The following DBF4B variants were observed in gnomAD, a reference collection of about 807,000 sequenced individuals.
DBF4B encodes the protein DBF4B-CDC7 kinase regulatory subunit, also known as protein DBF4 homolog B.
In DBF4B, 49 loss-of-function variants were observed where a neutral mutation model predicts 53.4. The ratio of observed to expected loss-of-function variants is 0.92; its 90% confidence interval spans 0.73 to 1.16. The LOEUF (loss-of-function observed/expected upper bound fraction) is 1.16, where lower values mean the gene tolerates loss of function less well. DBF4B is among the 50% of genes most tolerant of loss of function. The probability of loss-of-function intolerance (pLI) is 0.00; values close to 1 mark genes in which losing one functional copy is unlikely to be tolerated. For synonymous variants in DBF4B, 257 were observed against 288.7 expected, an observed-to-expected ratio of 0.89 and a Z score of 1.11; for missense variants, 692 against 775.0, an observed-to-expected ratio of 0.89 and a Z score of 1.27.
rs2049279310 is a variant in DBF4B at position 44,751,634 on chromosome 17, A to T, written c.*381A>T. On this transcript the variant is annotated 3_prime_UTR_variant, in exon 14 of 14. Coordinates refer to ENST00000315005, the MANE Select transcript of DBF4B (RefSeq NM_145663.3). ...ACACTTGAGTTGATTCAGTAAATCG[A>T]CTTCAAATACTTGAAGGCTCCCACC... The T allele has an allele frequency of 4.4e-6, 6 of 1,371,722 alleles. No homozygotes were observed. The allele number at this position is 1,371,722 out of a possible 1,614,324, so 85.0% of individuals were successfully genotyped here.
intron 1 of DBF4B, 145 bp downstream of exon 1, chr17:44,708,984 C>CA: frequency 8.5e-7 from 1 of 1,181,728 alleles, no homozygotes; most frequent in Non-Finnish European, 1.2e-6. Flanking sequence ...GAAGGAGCCA[C>CA]AGGAGTTGAG....
rs61077434 is a variant in DBF4B, at chr17:44,736,148, ATT to A, written c.631-665_631-664del. 4.6e-3 allele frequency among the ~76,000 whole-genome samples: 647 copies of A among 139,722 alleles called. 5 individuals carry two copies. Among genetic ancestry groups the A allele is most frequent in the African/African-American group, 0.015 (579 of 38,134 alleles). 91.7% of individuals were successfully genotyped at this position (139,722 alleles called of 152,430 possible). On this transcript the variant is annotated intron_variant, in intron 7 of 13. Coordinates refer to ENST00000315005, the MANE Select transcript of DBF4B (RefSeq NM_145663.3). ...GGGCATGCGCCACCATGCCTGGCTAATTTTTTTTTTTTTTTTTTAAAGATAGG... is the reference window on the plus strand; with the variant it reads ...GGGCATGCGCCACCATGCCTGGCTAATTTTTTTTTTTTTTTTAAAGATAGG...
chr17:44,709,239 G>A, intron 1 of DBF4B, 65 bp from the exon 2 acceptor site: 6 of 1,602,042 alleles, frequency 3.7e-6, no homozygotes, highest in Non-Finnish European at 5.1e-6. Context: ...ACAGTAGTGG[G>A]CGGGAGGCAT....
intron 2 of DBF4B, chr17:44,718,828 T>G (rs1440759690): frequency 1.3e-5 from 2 of 151,684 alleles, no homozygotes; most frequent in Non-Finnish European, 2.9e-5. Flanking sequence ...CTGGCTTTGG[T>G]GCCGCATGCC....
chr17:44,739,709 G>A lies in DBF4B; in HGVS notation c.713+1285G>A, dbSNP rs537345750. 2.6e-5 allele frequency among the ~76,000 whole-genome samples: 4 copies of A among 152,330 alleles called. No individual in the cohort carries two copies. In the East Asian group the frequency reaches 7.7e-4, roughly 29 times the overall value. ...AGGTATATCACTGTCACCAGAGAGG[G>A]GTACACATATTCCTGGCATTATAGG... On this transcript the variant is annotated intron_variant, in intron 9 of 13. Coordinates refer to ENST00000315005, the MANE Select transcript of DBF4B (RefSeq NM_145663.3).
chr17:44,720,547 C>T, intron 2 of DBF4B: 1 of 169,954 alleles, frequency 5.9e-6, no homozygotes, highest in Non-Finnish European at 1.3e-5. Context: ...CTTTCTTGGC[C>T]TTAGGTTTCT....
chr17:44,730,378 G>A (rs1428908087), intron 4 of DBF4B, among the ~76,000 whole-genome samples: 2 of 152,196 alleles, frequency 1.3e-5, no homozygotes, highest in Admixed American at 6.5e-5. Context: ...AAGACGTGTT[G>A]GGATTGGTCT....
intron 1 of DBF4B, 34 bp from the exon 2 acceptor site, chr17:44,709,270 A>T (rs1002106426): frequency 6.2e-7 from 1 of 1,613,672 alleles, no homozygotes; most frequent in African/African-American, 1.3e-5. Flanking sequence ...AGGGTTGGTG[A>T]AGATGGTTGA....
At chr17:44,723,380 C>T (rs918363154) in intron 3 of DBF4B, among the ~76,000 whole-genome samples, 2 of 151,922 alleles carry the variant, frequency 1.3e-5, no homozygotes, top group African/African-American at 2.4e-5. Flanking sequence ...GCTGGGATTA[C>T]AGGCGTGAGC....
Position 44,750,105 on chromosome 17 carries a change from TCCGGGGCCA to T in DBF4B, c.1190-489_1190-481del, listed in dbSNP as rs969555303. 4.2e-5 allele frequency: 42 copies of T among 996,524 alleles called. No homozygotes were observed. In the African/African-American group the frequency reaches 6.6e-4, roughly 16 times the overall value. The allele number at this position is 996,524 out of a possible 1,614,324, so 61.7% of individuals were successfully genotyped here. A position where few individuals can be genotyped will look rare whatever the true frequency, so the allele number is the denominator to read the frequency against. On this transcript the variant is annotated intron_variant, in intron 13 of 13. Coordinates refer to ENST00000315005, the MANE Select transcript of DBF4B (RefSeq NM_145663.3). ...AGCTGCCTGCCCGAAGTTCGGCTGTTCCGGGGCCAGTGTGTCACCTGCCAACTTCCACAT... is the reference window on the plus strand; with the variant it reads ...AGCTGCCTGCCCGAAGTTCGGCTGTTGTGTGTCACCTGCCAACTTCCACAT...
chr17:44,709,000 C>T (rs1972622055), intron 1 of DBF4B, 161 bp downstream of exon 1: 1 of 1,009,682 alleles, frequency 9.9e-7, no homozygotes, highest in East Asian at 2.6e-5. Context: ...TTGAGGGGAC[C>T]GAGGAATGAA....
chr17:44,722,716 T>C (rs1427607770), intron 2 of DBF4B, among the ~76,000 whole-genome samples, 164 bp from the exon 3 acceptor site: 2 of 152,236 alleles, frequency 1.3e-5, no homozygotes, highest in Non-Finnish European at 2.9e-5. Context: ...TTTCACCACA[T>C]CTGAGCTTCT....
intron 2 of DBF4B, among the ~76,000 whole-genome samples, chr17:44,715,525 C>T (rs753349315): frequency 6.6e-6 from 1 of 151,920 alleles, no homozygotes; most frequent in Non-Finnish European, 1.5e-5. Flanking sequence ...TCCCATTTTG[C>T]ATCTGTCTTT....
intron 6 of DBF4B, 123 bp downstream of exon 6, chr17:44,732,388 GC>G: frequency 9.6e-7 from 1 of 1,043,914 alleles, no homozygotes; most frequent in Non-Finnish European, 1.4e-6. Context: ...ATACTCAGCT[GC>G]CATGTTGATC....
intron 3 of DBF4B, 43 bp from the exon 4 acceptor site, chr17:44,729,862 A>C (rs1278683445): frequency 6.3e-7 from 1 of 1,597,630 alleles, no homozygotes; most frequent in East Asian, 2.2e-5. Flanking sequence ...ACAATTCTGC[A>C]TTTGCTTTTT....
chr17:44,718,141 A>G (rs774188107), intron 2 of DBF4B, among the ~76,000 whole-genome samples: 13 of 151,924 alleles, frequency 8.6e-5, no homozygotes, highest in African/African-American at 1.4e-4. Flanking sequence ...GTTTAAGATT[A>G]CATGTTGCAG....
At chr17:44,740,929 A>G (rs112026967) in intron 9 of DBF4B, among the ~76,000 whole-genome samples, 1 of 152,096 alleles carries the variant, frequency 6.6e-6, no homozygotes, top group African/African-American at 2.4e-5. Flanking sequence ...AGGTCAGGAG[A>G]TCGAGACCAT....
chr17:44,735,633 A>G (rs1345269388), intron 7 of DBF4B, among the ~76,000 whole-genome samples: 4 of 152,118 alleles, frequency 2.6e-5, no homozygotes, highest in Non-Finnish European at 5.9e-5. Flanking sequence ...ACACCACTGC[A>G]CTCCAGCCTG....
At chr17:44,734,557 GGAGT>G (rs1438471855) in intron 7 of DBF4B, among the ~76,000 whole-genome samples, 1 of 152,212 alleles carries the variant, frequency 6.6e-6, no homozygotes, top group Non-Finnish European at 1.5e-5. Context: ...GGGGTGAGAA[GGAGT>G]GATTGAAATA....
Sources: gnomAD v4.1 joint callset for allele counts (sites outside exome capture counted in the v4.1 genomes callset) on GRCh38, gnomAD v4.1.1 for gene constraint, MANE v1.5 for transcripts, NCBI Gene and HGNC (gene_info 2026-07-23, HGNC 2026-07-21) for gene names.